KCNB2: variants seen among roughly 807,000 people sequenced by gnomAD.
The protein encoded by KCNB2 is potassium voltage-gated channel subfamily B member 2.
In KCNB2, 15 loss-of-function variants were observed where a neutral mutation model predicts 61.5. The ratio of observed to expected loss-of-function variants is 0.24; its 90% CI spans 0.16 to 0.38. The LOEUF (loss-of-function observed/expected upper bound fraction) is 0.38, where lower values mean the gene tolerates loss of function less well. Ranked by LOEUF, KCNB2 falls within the 10% of genes least tolerant of loss-of-function variation. KCNB2 has a pLI of 1.00. For missense variants in KCNB2, 828 were observed against 1,125.2 expected (o/e 0.74, Z 3.78); for synonymous variants, 457 against 446.0 (o/e 1.02, Z -0.31).
chr8:72,769,359 AG>A (rs1017876719), intron 2 of KCNB2, among the ~76,000 whole-genome samples: 1 of 152,166 alleles, frequency 6.6e-6, no homozygotes, highest in Non-Finnish European at 1.5e-5. Flanking sequence ...TCTGGATTCT[AG>A]GCTAGAAAGG....
intron 2 of KCNB2, among the ~76,000 whole-genome samples, chr8:72,746,640 G>A (rs905837102): frequency 3.3e-5 from 5 of 152,072 alleles, no homozygotes; most frequent in Admixed American, 2.0e-4. Flanking sequence ...TGTGCTTCCC[G>A]ACATGTGTGA....
At chr8:72,610,323 G>A (rs940437856) in intron 2 of KCNB2, among the ~76,000 whole-genome samples, 2 of 152,108 alleles carry the variant, frequency 1.3e-5, no homozygotes, top group African/African-American at 2.4e-5. Flanking sequence ...CTTAAAAACC[G>A]AACTCTAAAC....
intron 2 of KCNB2, among the ~76,000 whole-genome samples, chr8:72,852,699 A>G (rs1249746925): frequency 6.6e-6 from 1 of 152,104 alleles, no homozygotes; most frequent in African/African-American, 2.4e-5. Flanking sequence ...TTATTTCTCT[A>G]TGTAAAGGTA....
chr8:72,860,050 T>G (rs967481589), intron 2 of KCNB2, among the ~76,000 whole-genome samples: 1 of 152,186 alleles, frequency 6.6e-6, no homozygotes, highest in African/African-American at 2.4e-5. Flanking sequence ...CAATATGCCA[T>G]TGCATAGATA....
chr8:72,738,034 G>A (rs1163882521), intron 2 of KCNB2, among the ~76,000 whole-genome samples: 5 of 152,052 alleles, frequency 3.3e-5, no homozygotes, highest in East Asian at 1.9e-4. Context: ...AAATATACCC[G>A]TTTACACAAA....
chr8:72,915,108 A>G (rs2129007774), intron 2 of KCNB2, among the ~76,000 whole-genome samples: 1 of 151,994 alleles, frequency 6.6e-6, no homozygotes, highest in South Asian at 2.1e-4. Flanking sequence ...GCGTTTCACC[A>G]TGTCGGTCAG....
chr8:72,584,212 T>C (rs537734100), intron 2 of KCNB2, among the ~76,000 whole-genome samples: 7 of 152,080 alleles, frequency 4.6e-5, no homozygotes, highest in African/African-American at 1.4e-4. Flanking sequence ...TTAAAGAGGA[T>C]TTTTTAAAAA....
intron 2 of KCNB2, among the ~76,000 whole-genome samples, chr8:72,926,094 A>G (rs1399140878): frequency 6.6e-6 from 1 of 152,118 alleles, no homozygotes; most frequent in Non-Finnish European, 1.5e-5. Context: ...GGGGCCTGTC[A>G]GGGCTGGGGG....
intron 2 of KCNB2, among the ~76,000 whole-genome samples, chr8:72,684,942 C>G (rs1039222016): frequency 5.9e-5 from 9 of 152,164 alleles, no homozygotes; most frequent in African/African-American, 2.2e-4. Context: ...TTCCTTTGCA[C>G]TATTAATGTT....
intron 2 of KCNB2, among the ~76,000 whole-genome samples, chr8:72,778,112 T>C (rs1361404408): frequency 6.6e-6 from 1 of 152,216 alleles, no homozygotes; most frequent in African/African-American, 2.4e-5. Flanking sequence ...TGAGAGTTAA[T>C]AGCTCCTGTG....
At chr8:72,817,990 G>A (rs966864155) in intron 2 of KCNB2, among the ~76,000 whole-genome samples, 15 of 152,104 alleles carry the variant, frequency 9.9e-5, no homozygotes, top group African/African-American at 3.1e-4. Flanking sequence ...GGGGAGGAAG[G>A]ATTAGCTAAC....
At chr8:72,866,374 C>T (rs1805518775) in intron 2 of KCNB2, among the ~76,000 whole-genome samples, 1 of 152,176 alleles carries the variant, frequency 6.6e-6, no homozygotes, top group African/African-American at 2.4e-5. Context: ...GTCAATGGAG[C>T]AAGCTGAGAA....
chr8:72,625,978 C>T (rs7845517), intron 2 of KCNB2, among the ~76,000 whole-genome samples: 1,994 of 152,208 alleles, frequency 0.013, 40 homozygotes, highest in African/African-American at 0.046. Flanking sequence ...AGCTTAAATA[C>T]ATAACTGCCA....
At chr8:72,562,977 A>T (rs556371322) in intron 1 of KCNB2, among the ~76,000 whole-genome samples, 49 of 152,226 alleles carry the variant, frequency 3.2e-4, no homozygotes, top group Non-Finnish European at 6.6e-4. Context: ...AAAGGACATA[A>T]ATTTAAAATG....
At chr8:72,655,509 T>C (rs1430375437) in intron 2 of KCNB2, among the ~76,000 whole-genome samples, 1 of 152,090 alleles carries the variant, frequency 6.6e-6, no homozygotes, top group Non-Finnish European at 1.5e-5. Context: ...AATGTCTATA[T>C]GGTAAGAGTT....
chr8:72,840,914 C>A (rs1462949919), intron 2 of KCNB2, among the ~76,000 whole-genome samples: 1 of 152,082 alleles, frequency 6.6e-6, no homozygotes, highest in African/African-American at 2.4e-5. Flanking sequence ...TTAATTAGGT[C>A]CCATTTGTCA....
chr8:72,717,195 C>T (rs1027160679), intron 2 of KCNB2, among the ~76,000 whole-genome samples: 3 of 152,194 alleles, frequency 2.0e-5, no homozygotes, highest in Non-Finnish European at 4.4e-5. Flanking sequence ...ATTCCATGCT[C>T]ATAGGTAGAA....
At chr8:72,929,490 A>G (rs1806728456) in intron 2 of KCNB2, among the ~76,000 whole-genome samples, 2 of 152,248 alleles carry the variant, frequency 1.3e-5, no homozygotes, top group African/African-American at 2.4e-5. Flanking sequence ...CTAAATGCCT[A>G]GAACATACGC....
intron 2 of KCNB2, chr8:72,750,230 T>C (rs555694415): frequency 6.6e-6 from 1 of 152,320 alleles, no homozygotes; most frequent in African/African-American, 2.4e-5. Context: ...CTTCATTCAT[T>C]TTTTCCTATT....
Sources: allele counts gnomAD v4.1 joint callset (sites outside exome capture counted in the v4.1 genomes callset), GRCh38; gene constraint gnomAD v4.1.1; transcripts MANE v1.5; gene names NCBI Gene and HGNC (gene_info 2026-07-23, HGNC 2026-07-21).